SPATA17: variants seen among roughly 807,000 people sequenced by gnomAD.
The protein encoded by SPATA17 is spermatogenesis associated 17.
A neutral mutation model predicts 62.2 loss-of-function variants in SPATA17; 53 were observed. The observed-to-expected ratio is 0.85, with a 90% CI of 0.68 to 1.07. The LOEUF (loss-of-function observed/expected upper bound fraction) is 1.07, where lower values mean the gene tolerates loss of function less well. SPATA17 is among the 50% of genes least tolerant of loss of function. The pLI, the probability that SPATA17 is intolerant of heterozygous loss-of-function variation, is 0.00. For synonymous variants in SPATA17, 146 were observed against 146.8 expected (o/e 0.99, Z 0.04); for missense variants, 466 against 425.5 (o/e 1.10, Z -0.84).
intron 8 of SPATA17, among the ~76,000 whole-genome samples, chr1:217,799,988 T>TTATTAAAAAAA (rs1381812554): frequency 6.6e-6 from 1 of 152,150 alleles, no homozygotes; most frequent in Non-Finnish European, 1.5e-5. Context: ...TAAAAAAGCA[T>TTATTAAAAAAA]CCAACTTTTA....
chr1:217,673,045 C>T (rs571146761), intron 4 of SPATA17, among the ~76,000 whole-genome samples: 76 of 152,176 alleles, frequency 5.0e-4, no homozygotes, highest in African/African-American at 1.7e-3. Flanking sequence ...TACTTTAACA[C>T]GTTTTTTCTA....
chr1:217,849,963 C>G (rs1675609970), intron 9 of SPATA17, among the ~76,000 whole-genome samples: 1 of 152,110 alleles, frequency 6.6e-6, no homozygotes, highest in Admixed American at 6.5e-5. Context: ...CCTTGTAAGT[C>G]TAGTACCACT....
chr1:217,785,403 G>A (rs1673836219), intron 8 of SPATA17, among the ~76,000 whole-genome samples: 1 of 152,134 alleles, frequency 6.6e-6, no homozygotes, highest in African/African-American at 2.4e-5. Context: ...TACAGTCATG[G>A]TGGAAGGGTG....
At chr1:217,641,730 C>T (rs1430458722) in intron 1 of SPATA17, among the ~76,000 whole-genome samples, 1 of 152,012 alleles carries the variant, frequency 6.6e-6, no homozygotes, top group African/African-American at 2.4e-5. Context: ...TAAGTTGCAA[C>T]CTGATGTCCC....
In SPATA17 at chr1:217,859,499, C is replaced by T. The variant is rs1675855465; in HGVS notation, c.1006-3275C>T. Among the ~76,000 whole-genome samples the T allele has an allele frequency of 2.6e-5, 4 of 151,936 alleles. No homozygotes were observed. In the South Asian group the frequency reaches 8.3e-4, roughly 31 times the overall value. On this transcript the variant is annotated intron_variant, in intron 9 of 10. Coordinates refer to ENST00000366933, the MANE Select transcript of SPATA17 (RefSeq NM_138796.4). ...CATGGCTCACTGCAACCTCAAACTCCCAGACTCAAGCAATCCTCCCACCTC... is the reference window on the plus strand; with the variant it reads ...CATGGCTCACTGCAACCTCAAACTCTCAGACTCAAGCAATCCTCCCACCTC...
chr1:217,850,508 C>G, intron 9 of SPATA17: 1 of 1,545,120 alleles, frequency 6.5e-7, no homozygotes, highest in South Asian at 1.1e-5. Flanking sequence ...CAAAGATGAG[C>G]CTCTGCTGGT....
Position 217,678,289 on chromosome 1 carries a change from A to G in SPATA17, c.292-4969A>G, listed in dbSNP as rs1671001097. Among the ~76,000 whole-genome samples, 2 of 145,836 alleles carry G rather than the reference A, an allele frequency of 1.4e-5. 1 individual carries two copies. Among genetic ancestry groups the G allele is most frequent in the South Asian group, 4.3e-4 (2 of 4,608 alleles). On this transcript the variant is annotated intron_variant, in intron 4 of 10. Transcript: ENST00000366933. Reference sequence around the variant, plus strand: ...AGTGGCACAGTCTCGGCTCTCTGCAACCTCCACCTCCCAGGTTCAAGCAAC... The same window carrying G: ...AGTGGCACAGTCTCGGCTCTCTGCAGCCTCCACCTCCCAGGTTCAAGCAAC...
At chr1:217,775,486 C>T (rs1164361425) in intron 7 of SPATA17, among the ~76,000 whole-genome samples, 2 of 152,024 alleles carry the variant, frequency 1.3e-5, no homozygotes, top group Non-Finnish European at 2.9e-5. Context: ...GGACAGATCA[C>T]AAGGTCAAGA....
chr1:217,812,444 T>C (rs1478654112), intron 9 of SPATA17, among the ~76,000 whole-genome samples: 1 of 152,194 alleles, frequency 6.6e-6, no homozygotes, highest in Non-Finnish European at 1.5e-5. Flanking sequence ...AGCATATATA[T>C]AATTTTTGAA....
At chr1:217,771,416 T>A (rs1188286058) in intron 6 of SPATA17, among the ~76,000 whole-genome samples, 1 of 152,120 alleles carries the variant, frequency 6.6e-6, no homozygotes, top group Non-Finnish European at 1.5e-5. Flanking sequence ...GTAATATTTT[T>A]AAAAATCAAC....
At chr1:217,859,571 C>A (rs1000805251) in intron 9 of SPATA17, among the ~76,000 whole-genome samples, 1 of 151,952 alleles carries the variant, frequency 6.6e-6, no homozygotes, top group African/African-American at 2.4e-5. Flanking sequence ...CAATACCCAG[C>A]CAATTTTTAA....
chr1:217,650,836 A>C (rs1448528406), intron 2 of SPATA17, among the ~76,000 whole-genome samples: 2 of 152,250 alleles, frequency 1.3e-5, no homozygotes, highest in African/African-American at 2.4e-5. Flanking sequence ...AATATGTTAA[A>C]GAGTAAGTAT....
intron 8 of SPATA17, 122 bp from the exon 9 acceptor site, chr1:217,801,596 G>T (rs1388637754): frequency 2.9e-6 from 2 of 686,086 alleles, no homozygotes; most frequent in Non-Finnish European, 2.3e-6. Context: ...TGGAATCTAG[G>T]TATTCTGATT....
chr1:217,727,617 A>G (rs138690923), intron 5 of SPATA17, among the ~76,000 whole-genome samples: 1 of 152,274 alleles, frequency 6.6e-6, no homozygotes, highest in East Asian at 1.9e-4. Flanking sequence ...AAAGAGTCTG[A>G]TTCTCTTAAA....
chr1:217,865,412 G>A (rs1352685783), intron 10 of SPATA17, among the ~76,000 whole-genome samples: 2 of 152,098 alleles, frequency 1.3e-5, no homozygotes, highest in Admixed American at 1.3e-4. Flanking sequence ...GTACCTAGCT[G>A]TTATCATTAA....
rs1439009637 is a variant in SPATA17, at chr1:217,815,860, G to A, written c.1005+14010G>A. ...CCAGTTTCCAAAATTGCGTAAGCCA[G>A]TTCTTTAAAATAAATTCACCCTTCC... On this transcript the variant is annotated intron_variant, in intron 9 of 10. Coordinates refer to ENST00000366933, the MANE Select transcript of SPATA17 (RefSeq NM_138796.4). Among the ~76,000 whole-genome samples, 6 of 152,150 alleles carry A rather than the reference G, an allele frequency of 3.9e-5. No homozygotes were observed. The East Asian group carries it at 1.2e-3, about 29-fold the overall frequency.
chr1:217,829,717 G>C (rs542599494), intron 9 of SPATA17, among the ~76,000 whole-genome samples: 6 of 146,150 alleles, frequency 4.1e-5, no homozygotes, highest in African/African-American at 7.6e-5. Context: ...AATACACATA[G>C]AGCATGAAAG....
At chr1:217,861,709 A>T (rs181295142) in intron 9 of SPATA17, among the ~76,000 whole-genome samples, 275 of 152,200 alleles carry the variant, frequency 1.8e-3, no homozygotes, top group African/African-American at 6.4e-3. Flanking sequence ...TCCAAGAAGG[A>T]TTTCATTCAT....
At chr1:217,777,173 A>G (rs1673614369) in intron 7 of SPATA17, among the ~76,000 whole-genome samples, 3 of 152,006 alleles carry the variant, frequency 2.0e-5, no homozygotes, top group Admixed American at 2.0e-4. Flanking sequence ...TATTTGTGAT[A>G]TATGTTGTGT....
Sources: allele counts gnomAD v4.1 joint callset (sites outside exome capture counted in the v4.1 genomes callset), GRCh38; gene constraint gnomAD v4.1.1; transcripts MANE v1.5; gene names NCBI Gene and HGNC (gene_info 2026-07-23, HGNC 2026-07-21).